The following NBPF9 variants were observed in gnomAD, a reference collection of about 807,000 sequenced individuals.
NBPF9 encodes NBPF family member NBPF9.
NBPF9 carries 91 observed loss-of-function variants against 97.8 expected under a neutral mutation model. The ratio of observed to expected loss-of-function variants is 0.93; its 90% CI spans 0.79 to 1.11. NBPF9 has a LOEUF of 1.11. Ranked by LOEUF, NBPF9 falls within the 50% of genes least tolerant of loss-of-function variation. NBPF9 has a pLI of 0.00. For synonymous variants in NBPF9, 334 were observed against 359.5 expected, an observed-to-expected ratio of 0.93 and a Z score of 0.80; for missense variants, 992 against 939.5, an observed-to-expected ratio of 1.06 and a Z score of -0.73.
At chr1:149,085,402 C>G (rs2080908320) in intron 5 of NBPF9, among the ~76,000 whole-genome samples, 1 of 152,084 alleles carries the variant, frequency 6.6e-6, no homozygotes, top group Admixed American at 6.5e-5. Flanking sequence ...CAGAGTAAGT[C>G]CTCCAACTTA....
intron 17 of NBPF9, among the ~76,000 whole-genome samples, chr1:149,069,144 G>C (rs1379275754): frequency 6.6e-6 from 1 of 151,554 alleles, no homozygotes; most frequent in Non-Finnish European, 1.5e-5. Context: ...GAAAATTATA[G>C]CACTAAATGC....
At chr1:149,080,930 C>G (rs1399586821) in intron 7 of NBPF9, among the ~76,000 whole-genome samples, 3 of 151,648 alleles carry the variant, frequency 2.0e-5, no homozygotes, top group Non-Finnish European at 2.9e-5. Context: ...GAGGGACAGA[C>G]AAGACAAGCA....
At chr1:149,060,749 A>G in intron 23 of NBPF9, 54 bp from the exon 24 acceptor site, 1 of 360,666 alleles carries the variant, frequency 2.8e-6, no homozygotes, top group Non-Finnish European at 4.8e-6. Flanking sequence ...GACACAACAG[A>G]GCCCCAACTA....
intron 21 of NBPF9, 43 bp downstream of exon 21, chr1:149,062,819 G>C (rs782114848): frequency 1.4e-6 from 1 of 703,932 alleles, no homozygotes; most frequent in Non-Finnish European, 2.6e-6. Flanking sequence ...GGCATCTCCA[G>C]GTGTCAACAC....
exon 15 of NBPF9, chr1:149,071,659 C>G (rs320825): frequency 8.6e-7 from 1 of 1,157,242 alleles, no homozygotes. Context: ...ACATCTTCAT[C>G]GTCATCGTTG....
chr1:149,071,538 G>C (rs587684084), intron 15 of NBPF9, 66 bp downstream of exon 15: 1 of 932,748 alleles, frequency 1.1e-6, no homozygotes, highest in Non-Finnish European at 1.7e-6. Context: ...TGCCAGAGAG[G>C]GTGTGCCTCC....
chr1:149,071,169 G>A (rs2079379008), intron 15 of NBPF9, 30 bp from the exon 16 acceptor site: 3 of 1,382,354 alleles, frequency 2.2e-6, no homozygotes, highest in Non-Finnish European at 3.1e-6. Context: ...AGAGATGACA[G>A]AAGATTAAAC....
rs1553652802 is a variant in NBPF9, at chr1:149,070,984, A to G, written c.1535T>C (p.Ile512Thr). The change falls in exon 16 of 30, where the codon ATT (isoleucine) becomes ACT (threonine). Residue 512 changes from isoleucine to threonine, a missense_variant. Transcript: ENST00000584027. Reference sequence around the variant, plus strand: ...CCGTTCAACATGAGAGGATGAGCCAATGAGAGTTGAGTCGACTTTGTCTTC... The same window carrying G: ...CCGTTCAACATGAGAGGATGAGCCAGTGAGAGTTGAGTCGACTTTGTCTTC... The G allele has an allele frequency of 2.5e-6, 4 of 1,612,392 alleles. No individual in the cohort carries two copies. In the East Asian group the frequency reaches 8.9e-5, roughly 36 times the overall value.
rs1394799329 is a variant in NBPF9 at position 149,080,052 on chromosome 1, C to G, written c.278+1G>C. On this transcript the variant is annotated splice_donor_variant, in intron 8 of 29. Transcript: ENST00000584027. LOFTEE classifies it high-confidence loss of function. ...TGCCTCCCCCCACGGGGTCCCCTCACCTGAGCTCCTCAGCTTGCTTCAGCT... is the reference window on the plus strand; with the variant it reads ...TGCCTCCCCCCACGGGGTCCCCTCAGCTGAGCTCCTCAGCTTGCTTCAGCT... The G allele has an allele frequency of 1.3e-5, 21 of 1,573,654 alleles. No homozygotes were observed. In the African/African-American group the frequency reaches 2.7e-4, roughly 20 times the overall value.
At chr1:149,074,805 T>G (rs1553653879) in intron 12 of NBPF9, among the ~76,000 whole-genome samples, 1 of 145,608 alleles carries the variant, frequency 6.9e-6, no homozygotes, top group Non-Finnish European at 1.5e-5. Flanking sequence ...TTTTTATTTA[T>G]CATCATTATT....
chr1:149,071,298 T>C (rs587724799), intron 15 of NBPF9, among the ~76,000 whole-genome samples, 159 bp from the exon 16 acceptor site: 18 of 152,156 alleles, frequency 1.2e-4, no homozygotes, highest in Non-Finnish European at 2.2e-4. Flanking sequence ...CTCTTCTCTC[T>C]GCAACAGACC....
intron 12 of NBPF9, among the ~76,000 whole-genome samples, chr1:149,075,205 T>C (rs1280892179): frequency 2.6e-5 from 4 of 151,818 alleles, no homozygotes; most frequent in East Asian, 3.9e-4. Flanking sequence ...TACTGGCTAC[T>C]ATCACCAAGT....
In NBPF9 at chr1:149,075,181, C is replaced by A. The variant is rs1397226228; in HGVS notation, c.988+474G>T. ...TATTAGGAGTAGACTCCTCTTGAAGCCCCTCAGAGCAGGTACTGGCTACTA... is the reference window on the plus strand; with the variant it reads ...TATTAGGAGTAGACTCCTCTTGAAGACCCTCAGAGCAGGTACTGGCTACTA... On this transcript the variant is annotated intron_variant, in intron 12 of 29. Transcript: ENST00000584027. Among the ~76,000 whole-genome samples the A allele has an allele frequency of 2.0e-5, 3 of 151,874 alleles. No homozygotes were observed. The South Asian group carries it at 6.3e-4, about 32-fold the overall frequency.
At chr1:149,082,884 A>G (rs2080611085) in intron 5 of NBPF9, among the ~76,000 whole-genome samples, 1 of 140,752 alleles carries the variant, frequency 7.1e-6, no homozygotes, top group African/African-American at 2.7e-5. Flanking sequence ...GGTTCACGCT[A>G]TTCTCCTGCC....
chr1:149,061,541 T>C, intron 22 of NBPF9, 158 bp from the exon 23 acceptor site: 1 of 407,524 alleles, frequency 2.5e-6, no homozygotes, highest in Non-Finnish European at 4.4e-6. Flanking sequence ...CTGGTCATGA[T>C]ATTCTTTGGT....
intron 26 of NBPF9, 188 bp downstream of exon 26, chr1:149,058,737 G>A (rs2078403006): frequency 1.9e-6 from 1 of 525,708 alleles, no homozygotes; most frequent in Non-Finnish European, 3.3e-6. Context: ...ATAGAGCCTT[G>A]CTCACTGACC....
chr1:149,062,427 T>C lies in NBPF9; in HGVS notation c.2079-162A>G, dbSNP rs868910442. Among the ~76,000 whole-genome samples, 11 of 140,676 alleles carry C rather than the reference T, an allele frequency of 7.8e-5. 1 individual carries two copies. The highest frequency in any genetic ancestry group is 2.0e-4 in the East Asian group (1 of 5,084). The allele number at this position is 140,676 out of a possible 152,430, so 92.3% of individuals were successfully genotyped here. On this transcript the variant is annotated intron_variant, in intron 21 of 29. Transcript: ENST00000584027. Reference sequence around the variant, plus strand: ...GCCTTTAGGTTGGGATAGACCAGGGTCAGGTGGAAAAGAATGAAAGAGAAA... The same window carrying C: ...GCCTTTAGGTTGGGATAGACCAGGGCCAGGTGGAAAAGAATGAAAGAGAAA...
At chr1:149,055,826 G>T in exon 30 of NBPF9, 1 of 1,606,232 alleles carries the variant, frequency 6.2e-7, no homozygotes. Flanking sequence ...TACATTGACG[G>T]AGTAGAATAA....
chr1:149,087,828 CTTTTTTT>C (rs60084667), intron 5 of NBPF9, among the ~76,000 whole-genome samples: 2 of 88,556 alleles, frequency 2.3e-5, no homozygotes, highest in African/African-American at 1.0e-4. Context: ...GTTGACTTTC[CTTTTTTT>C]TTTTTTTTTT....
Sources: gnomAD v4.1 joint callset for allele counts (sites outside exome capture counted in the v4.1 genomes callset) on GRCh38, gnomAD v4.1.1 for gene constraint, MANE v1.5 for transcripts, NCBI Gene and HGNC (gene_info 2026-07-23, HGNC 2026-07-21) for gene names.